Variants in MCC observed in about 807,000 individuals in gnomAD.
MCC encodes the protein colorectal mutant cancer protein.
MCC carries 90 observed loss-of-function variants against 116.2 expected under a neutral mutation model. That is an observed-to-expected ratio of 0.77 (90% CI 0.65 to 0.92). The LOEUF is 0.92. Among genes scored for constraint, MCC ranks in the 40% least tolerant of loss-of-function variants. The probability of loss-of-function intolerance (pLI) is 0.00; values close to 1 mark genes in which losing one functional copy is unlikely to be tolerated. For synonymous variants in MCC, 578 were observed against 510.5 expected (o/e 1.13, Z -1.78); for missense variants, 1,516 against 1,312.2 (o/e 1.16, Z -2.40).
intron 2 of MCC, among the ~76,000 whole-genome samples, chr5:113,353,137 G>A (rs772731956): frequency 1.3e-5 from 2 of 152,142 alleles, no homozygotes; most frequent in Non-Finnish European, 1.5e-5. Flanking sequence ...GTGCTTTCAA[G>A]GCAGAGGCCT....
intron 2 of MCC, among the ~76,000 whole-genome samples, chr5:113,347,183 G>C (rs1000112909): frequency 7.9e-5 from 12 of 152,070 alleles, no homozygotes; most frequent in Non-Finnish European, 1.3e-4. Context: ...CACAGGAAAA[G>C]ACAGAATATT....
At chr5:113,189,055 G>T (rs1046157394) in intron 3 of MCC, among the ~76,000 whole-genome samples, 1 of 152,210 alleles carries the variant, frequency 6.6e-6, no homozygotes, top group African/African-American at 2.4e-5. Context: ...CACCTTGGAG[G>T]AGTGAGGCCG....
chr5:113,361,849 C>T (rs1349000572), intron 2 of MCC, among the ~76,000 whole-genome samples: 2 of 152,174 alleles, frequency 1.3e-5, no homozygotes, highest in African/African-American at 4.8e-5. Context: ...GTTCTTTGGC[C>T]TTGGGACTCT....
chr5:113,232,489 C>T (rs548977654), intron 3 of MCC, among the ~76,000 whole-genome samples: 2 of 152,270 alleles, frequency 1.3e-5, no homozygotes, highest in South Asian at 4.1e-4. Flanking sequence ...CAAACACTCC[C>T]TTTGCCTTCC....
intron 3 of MCC, among the ~76,000 whole-genome samples, chr5:113,233,879 C>G (rs1352760023): frequency 6.6e-6 from 1 of 152,178 alleles, no homozygotes; most frequent in Non-Finnish European, 1.5e-5. Flanking sequence ...CTCTGTTCAT[C>G]TGATCATTCT....
intron 5 of MCC, among the ~76,000 whole-genome samples, chr5:113,141,634 G>C (rs1317590270): frequency 1.3e-5 from 2 of 152,144 alleles, no homozygotes; most frequent in Non-Finnish European, 2.9e-5. Flanking sequence ...GAATCCCCTC[G>C]AGGAGGGGCC....
At chr5:113,059,601 G>C (rs1419778020) in intron 14 of MCC, among the ~76,000 whole-genome samples, 1 of 152,236 alleles carries the variant, frequency 6.6e-6, no homozygotes, top group Non-Finnish European at 1.5e-5. Context: ...CTCTGAGAGC[G>C]ACTGTGGGGG....
chr5:113,094,436 T>TC (rs1371964498), intron 8 of MCC, among the ~76,000 whole-genome samples: 1 of 151,810 alleles, frequency 6.6e-6, no homozygotes, highest in Non-Finnish European at 1.5e-5. Flanking sequence ...TTTTTTTTTT[T>TC]TTTGAGACAG....
At position 113,434,812 on chromosome 5, in the gene MCC, G is replaced by C; in HGVS notation, c.171-49600C>G. ...AAATTTATCCCCAGGAGGTAGCCTC[G>C]TCGCTTGAGGACAGCAGCGTCATCC... On this transcript the variant is annotated intron_variant, in intron 1 of 18. Coordinates refer to ENST00000408903, the MANE Select transcript of MCC (RefSeq NM_001085377.2). This position sits in a 1 kb window ranked among gnomAD's most constrained non-coding sequence, Gnocchi z 4.2. The C allele has an allele frequency of 1.9e-6, 3 of 1,611,838 alleles. No homozygotes were observed. The highest frequency in any genetic ancestry group is 2.5e-6 in the Non-Finnish European group (3 of 1,178,210).
chr5:113,048,821 A>G, intron 16 of MCC: 1 of 544,306 alleles, frequency 1.8e-6, no homozygotes, highest in Non-Finnish European at 3.2e-6. Context: ...GAACAGTATC[A>G]GTGGACAACT....
chr5:113,474,979 G>A (rs576561940), intron 1 of MCC, among the ~76,000 whole-genome samples: 6 of 152,268 alleles, frequency 3.9e-5, no homozygotes, highest in African/African-American at 1.4e-4. Context: ...TCAGAAAGAA[G>A]TTCTGAAATT....
rs1336016385 is a variant in MCC, at chr5:113,402,060, C to T, written c.171-16848G>A. Among the ~76,000 whole-genome samples, 6 of 151,560 alleles carry T rather than the reference C, an allele frequency of 4.0e-5. No individual in the cohort carries two copies. The South Asian group carries it at 1.0e-3, about 26-fold the overall frequency. ...CTGTAATCCCAGCACTTTGGGAGGC[C>T]GAGGCGGGTGGATCACGAGGTCCGG... On this transcript the variant is annotated intron_variant, in intron 1 of 18. Coordinates refer to ENST00000408903, the MANE Select transcript of MCC (RefSeq NM_001085377.2).
At chr5:113,345,728 T>C (rs2150380391) in intron 2 of MCC, among the ~76,000 whole-genome samples, 1 of 152,332 alleles carries the variant, frequency 6.6e-6, no homozygotes, top group Non-Finnish European at 1.5e-5. Flanking sequence ...CCCAAGTCCC[T>C]TTGGATACTG....
intron 3 of MCC, among the ~76,000 whole-genome samples, chr5:113,175,134 T>C (rs1430690837): frequency 6.6e-6 from 1 of 152,244 alleles, no homozygotes; most frequent in African/African-American, 2.4e-5. Context: ...GGTGGCCATG[T>C]GTAGCTTTTG....
At chr5:113,370,106 C>T (rs1450247677) in intron 2 of MCC, among the ~76,000 whole-genome samples, 1 of 152,164 alleles carries the variant, frequency 6.6e-6, no homozygotes, top group African/African-American at 2.4e-5. Flanking sequence ...GTGTAAGAAA[C>T]AGACAACTCC....
At chr5:113,062,799 A>G (rs1197448907) in intron 14 of MCC, among the ~76,000 whole-genome samples, 1 of 152,200 alleles carries the variant, frequency 6.6e-6, no homozygotes, top group African/African-American at 2.4e-5. Context: ...CTCTCCTGGG[A>G]CACCTGGGCC....
intron 1 of MCC, among the ~76,000 whole-genome samples, chr5:113,483,975 T>A (rs1438943053): frequency 3.3e-5 from 5 of 152,232 alleles, no homozygotes; most frequent in Admixed American, 2.0e-4. Context: ...GTCTCACATA[T>A]AAGCGGGAGC....
chr5:113,040,067 C>A (rs992788496), intron 17 of MCC, among the ~76,000 whole-genome samples: 1 of 150,534 alleles, frequency 6.6e-6, no homozygotes, highest in Admixed American at 6.7e-5. Flanking sequence ...GACTGGAAAC[C>A]TGGTCATCCA....
At chr5:113,307,879 C>T (rs1299995653) in intron 3 of MCC, among the ~76,000 whole-genome samples, 1 of 152,158 alleles carries the variant, frequency 6.6e-6, no homozygotes, top group African/African-American at 2.4e-5. Flanking sequence ...AAGGTGTCTT[C>T]TTACTATCTT....
Sources: gnomAD v4.1 joint callset for allele counts (sites outside exome capture counted in the v4.1 genomes callset) on GRCh38, gnomAD v4.1.1 for gene constraint, Gnocchi (gnomAD v3.1) non-coding constraint, MANE v1.5 for transcripts, NCBI Gene and HGNC (gene_info 2026-07-23, HGNC 2026-07-21) for gene names.